The following SSPN variants were observed in gnomAD, a reference collection of about 807,000 sequenced individuals.
SSPN encodes the protein sarcospan.
In SSPN, 15 loss-of-function variants were observed where a neutral mutation model predicts 19.1. That is an observed-to-expected ratio of 0.78 (90% CI 0.52 to 1.21). SSPN has a LOEUF of 1.21. Ranked by LOEUF, SSPN falls within the 50% of genes most tolerant of loss-of-function variation. The probability of loss-of-function intolerance (pLI) is 0.00; values close to 1 mark genes in which losing one functional copy is unlikely to be tolerated. For synonymous variants in SSPN, 147 were observed against 140.3 expected, an observed-to-expected ratio of 1.05 and a Z score of -0.34; for missense variants, 291 against 314.0, an observed-to-expected ratio of 0.93 and a Z score of 0.55.
chr12:26,132,497 G>A (rs551262907), intron 1 of SSPN, among the ~76,000 whole-genome samples: 4 of 152,186 alleles, frequency 2.6e-5, no homozygotes, highest in Admixed American at 6.5e-5. Context: ...AGTATTGCAC[G>A]TTAGAAATCA....
rs775717327 is a variant in SSPN, at chr12:26,230,982, G to C, written c.638G>C (p.Cys213Ser). 1 of 1,614,186 alleles carries C rather than the reference G, an allele frequency of 6.2e-7. No homozygotes were observed. Among genetic ancestry groups the C allele is most frequent in the Non-Finnish European group, 8.5e-7 (1 of 1,180,038 alleles). Residue 213 changes from cysteine to serine, a missense_variant, in exon 3 of 3, where the codon TGC becomes TCC. By Grantham distance (112) the Cys-to-Ser change is moderately radical. This residue lies in a region of SSPN where 141 missense variants were observed against 166.7 expected (regional missense o/e 0.85). Coordinates refer to ENST00000242729, the MANE Select transcript of SSPN (RefSeq NM_005086.5). ...LVCGLVCLLA[C>S]FVMWKHRYQV... ...TGCGGCCTTGTGTGCTTGTTGGCCT[G>C]CTTTGTGATGTGGAAACATAGGTAC...
intron 1 of SSPN, among the ~76,000 whole-genome samples, chr12:26,212,288 A>G (rs760341766): frequency 2.6e-5 from 4 of 152,186 alleles, no homozygotes; most frequent in Non-Finnish European, 5.9e-5. Flanking sequence ...TGACAGTTAA[A>G]ATAATAAAGG....
chr12:26,219,652 C>T (rs1342977711), intron 1 of SSPN, among the ~76,000 whole-genome samples: 2 of 149,590 alleles, frequency 1.3e-5, no homozygotes, highest in Admixed American at 7.0e-5. Flanking sequence ...AACACACATC[C>T]AAAAATAAAG....
chr12:26,198,173 G>C (rs559895855), intron 1 of SSPN, among the ~76,000 whole-genome samples: 42 of 148,994 alleles, frequency 2.8e-4, no homozygotes, highest in Middle Eastern at 3.4e-3. Context: ...TTTTGGGGGG[G>C]GGTTTTTGGA....
chr12:26,201,027 ATATATATATATATATATATT>A lies in SSPN; in HGVS notation c.279+5077_279+5096del, dbSNP rs1565685436. On this transcript the variant is annotated intron_variant, in intron 1 of 2. Transcript: ENST00000242729. ...TTAATTTGTGTATATATATATATAT[ATATATATATATATATATATT>A]ATATATATATATTTGGAAATAAAAT... is the stretch of plus-strand genomic sequence containing the variant. Among the ~76,000 whole-genome samples the A allele has an allele frequency of 3.0e-4, 12 of 39,448 alleles. 1 individual carries two copies. The highest frequency in any genetic ancestry group is 2.1e-3 in the African/African-American group (12 of 5,704). The allele number at this position is 39,448 out of a possible 152,430, so 25.9% of individuals were successfully genotyped here. A position where few individuals can be genotyped will look rare whatever the true frequency, so the allele number is the denominator to read the frequency against.
intron 1 of SSPN, among the ~76,000 whole-genome samples, chr12:26,145,148 C>T (rs950543090): frequency 6.6e-6 from 1 of 152,194 alleles, no homozygotes; most frequent in African/African-American, 2.4e-5. Flanking sequence ...GTCTTTCTTT[C>T]CAGCTCTCAA....
At chr12:26,202,062 C>T (rs1260575292) in intron 1 of SSPN, among the ~76,000 whole-genome samples, 1 of 152,146 alleles carries the variant, frequency 6.6e-6, no homozygotes, top group Non-Finnish European at 1.5e-5. Flanking sequence ...AATTTATGCA[C>T]ATCCTACATA....
chr12:26,205,439 A>G (rs1944923181), intron 1 of SSPN, among the ~76,000 whole-genome samples: 1 of 152,206 alleles, frequency 6.6e-6, no homozygotes, highest in African/African-American at 2.4e-5. Context: ...AAGTGGGGGA[A>G]AAAACACTTC....
chr12:26,129,842 T>C (rs1429413295), intron 1 of SSPN, among the ~76,000 whole-genome samples: 1 of 152,228 alleles, frequency 6.6e-6, no homozygotes, highest in African/African-American at 2.4e-5. Context: ...TCTGCTGAAA[T>C]CATTTGTATT....
In SSPN at chr12:26,195,897, G is replaced by C. The variant is rs772205096; in HGVS notation, c.225G>C (p.Ala75=). ...TGACCGTGGTGGGCTTCCTCATGGC[G>C]AGCATCAGCTCCTCCCTGCTAGTCA... ...IAVTVVGFLM[A]SISSSLLVRD... The change falls in exon 1 of 3, where the codon GCG becomes GCC. Residue 75 remains alanine (A), a synonymous_variant. Coordinates refer to ENST00000242729, the MANE Select transcript of SSPN (RefSeq NM_005086.5). 7.6e-6 allele frequency: 12 copies of C among 1,578,344 alleles called. No homozygotes were observed. In the Admixed American group the frequency reaches 2.0e-4, roughly 26 times the overall value.
intron 1 of SSPN, among the ~76,000 whole-genome samples, chr12:26,147,591 G>GA (rs1291165527): frequency 5.3e-5 from 8 of 151,972 alleles, no homozygotes; most frequent in Non-Finnish European, 1.0e-4. Flanking sequence ...ATTTACACAT[G>GA]AAAAAAGGCA....
chr12:26,167,593 T>C (rs1356506786), intron 1 of SSPN, among the ~76,000 whole-genome samples: 2 of 152,200 alleles, frequency 1.3e-5, no homozygotes, highest in Non-Finnish European at 2.9e-5. Flanking sequence ...TGAAAAACTT[T>C]CCCTCCATTG....
chr12:26,213,721 CAT>C (rs1187319347), intron 1 of SSPN, among the ~76,000 whole-genome samples: 1 of 152,060 alleles, frequency 6.6e-6, no homozygotes, highest in South Asian at 2.1e-4. Context: ...TAAGGGAGAA[CAT>C]ATCACTTTAA....
At chr12:26,139,871 A>T (rs1944448690) in intron 1 of SSPN, among the ~76,000 whole-genome samples, 1 of 152,168 alleles carries the variant, frequency 6.6e-6, no homozygotes, top group Non-Finnish European at 1.5e-5. Context: ...GTTTATCAGC[A>T]ATTTCTGAAG....
chr12:26,186,845 C>G (rs1591868331), intron 1 of SSPN, among the ~76,000 whole-genome samples: 3 of 152,320 alleles, frequency 2.0e-5, no homozygotes, highest in Admixed American at 1.3e-4. Context: ...ACAAGACAGT[C>G]TCCTGCCTTG....
In SSPN at chr12:26,231,222, A is replaced by G; in HGVS notation, c.*146A>G. ...AATATTTTTATATTTTTATGAAACA[A>G]AAGAGCATTTCTTCAGGTTTCTATT... On this transcript the variant is annotated 3_prime_UTR_variant, in exon 3 of 3. Transcript: ENST00000242729. 1 of 1,192,974 alleles carries G rather than the reference A, an allele frequency of 8.4e-7. No homozygotes were observed. 73.9% of individuals were successfully genotyped at this position (1,192,974 alleles called of 1,614,324 possible).
intron 1 of SSPN, among the ~76,000 whole-genome samples, chr12:26,204,335 T>C (rs930145944): frequency 1.3e-5 from 2 of 152,164 alleles, no homozygotes; most frequent in Admixed American, 6.5e-5. Flanking sequence ...TTGTCAAATT[T>C]CTGTAAAAAT....
intron 1 of SSPN, among the ~76,000 whole-genome samples, chr12:26,185,534 G>A (rs1163588895): frequency 6.6e-6 from 1 of 152,162 alleles, no homozygotes; most frequent in Non-Finnish European, 1.5e-5. Context: ...CCCCTGGGCA[G>A]GGGAGAAAAG....
intron 1 of SSPN, among the ~76,000 whole-genome samples, chr12:26,142,881 G>T (rs1465174123): frequency 1.3e-5 from 2 of 152,196 alleles, no homozygotes; most frequent in Admixed American, 6.5e-5. Context: ...ATCTGTACAT[G>T]CAATTTAGTG....
Sources: gnomAD v4.1 joint callset for allele counts (sites outside exome capture counted in the v4.1 genomes callset) on GRCh38, gnomAD v4.1.1 for gene constraint, gnomAD v4.1.1 regional missense constraint, MANE v1.5 for transcripts, NCBI Gene and HGNC (gene_info 2026-07-23, HGNC 2026-07-21) for gene names.